The following PATJ variants were observed in gnomAD, a reference collection of about 807,000 sequenced individuals.
The protein encoded by PATJ is PATJ crumbs cell polarity complex component, also known as inaD-like protein.
A neutral mutation model predicts 224.9 loss-of-function variants in PATJ; 190 were observed. The ratio of observed to expected loss-of-function variants is 0.84; its 90% CI spans 0.75 to 0.95. PATJ has a LOEUF of 0.95. PATJ is among the 40% of genes least tolerant of loss of function. PATJ has a pLI of 0.00. For missense variants in PATJ, 2,121 were observed against 2,270.3 expected, an observed-to-expected ratio of 0.93 and a Z score of 1.34; for synonymous variants, 769 against 820.3, an observed-to-expected ratio of 0.94 and a Z score of 1.07.
Position 61,890,089 on chromosome 1 carries a change from CT to C in PATJ, c.3131+5684del, listed in dbSNP as rs537201108. Among the ~76,000 whole-genome samples, 618 of 152,322 alleles carry C rather than the reference CT, an allele frequency of 4.1e-3. 4 individuals carry two copies. Among genetic ancestry groups the C allele is most frequent in the African/African-American group, 0.015 (606 of 41,572 alleles). On this transcript the variant is annotated intron_variant, in intron 22 of 43. Transcript: ENST00000642238. ...GATGTATTATGAGTGATGTTCATAT[CT>C]TTCTTCTGCTGTTTATACCTGTATG...
intron 27 of PATJ, among the ~76,000 whole-genome samples, chr1:61,961,883 C>T (rs1400021648): frequency 6.7e-6 from 1 of 150,294 alleles, no homozygotes; most frequent in East Asian, 2.0e-4. Flanking sequence ...GCAGGAGAAT[C>T]ACTTGAACCT....
intron 34 of PATJ, among the ~76,000 whole-genome samples, chr1:62,108,885 C>A (rs901289482): frequency 2.0e-5 from 3 of 152,072 alleles, no homozygotes; most frequent in Non-Finnish European, 4.4e-5. Flanking sequence ...CACATATATA[C>A]CTGATATTTT....
At chr1:61,833,899 G>GA in intron 17 of PATJ, 114 bp downstream of exon 17, 2 of 855,984 alleles carry the variant, frequency 2.3e-6, no homozygotes, top group South Asian at 3.9e-5. Flanking sequence ...GAATCCCAAA[G>GA]ATGGGATATT....
At chr1:61,744,003 C>A (rs966651858) in intron 1 of PATJ, among the ~76,000 whole-genome samples, 1 of 152,104 alleles carries the variant, frequency 6.6e-6, no homozygotes, top group African/African-American at 2.4e-5. Flanking sequence ...GATGCCATTA[C>A]TGGGCAGGTG....
intron 28 of PATJ, among the ~76,000 whole-genome samples, chr1:62,012,212 T>C (rs1424957998): frequency 6.6e-6 from 1 of 152,198 alleles, no homozygotes; most frequent in East Asian, 1.9e-4. Context: ...TGTTAGAAAT[T>C]ATCTCATTTT....
At chr1:61,910,414 TC>T (rs1386929001) in intron 25 of PATJ, among the ~76,000 whole-genome samples, 1 of 152,264 alleles carries the variant, frequency 6.6e-6, no homozygotes, top group East Asian at 1.9e-4. Context: ...CATTGTACAT[TC>T]AGTTCATCAG....
At position 61,850,797 on chromosome 1, in the gene PATJ, G is replaced by A. The variant is rs914088707; in HGVS notation, c.2113-5233G>A. On this transcript the variant is annotated intron_variant, in intron 17 of 43. Transcript: ENST00000642238. ...TCCTCACCAGGAAAGTGGGGATAAT[G>A]TTGGTACATACCTACCTCATGATGG... is the stretch of plus-strand genomic sequence containing the variant. Among the ~76,000 whole-genome samples the A allele has an allele frequency of 2.6e-5, 4 of 152,210 alleles. No individual in the cohort carries two copies. In the South Asian group the frequency reaches 8.3e-4, roughly 32 times the overall value.
intron 1 of PATJ, among the ~76,000 whole-genome samples, chr1:61,752,605 G>T (rs1208546416): frequency 6.6e-6 from 1 of 151,864 alleles, no homozygotes; most frequent in Non-Finnish European, 1.5e-5. Flanking sequence ...GGATTACAGG[G>T]GTGAGCCACC....
intron 17 of PATJ, 39 bp from the exon 18 acceptor site, chr1:61,855,991 A>T (rs1391081945): frequency 6.8e-7 from 1 of 1,477,576 alleles, no homozygotes; most frequent in Non-Finnish European, 9.5e-7. Flanking sequence ...ATTTATTTTC[A>T]GTGCATGGAC....
At chr1:61,833,510 CT>C in intron 16 of PATJ, 143 bp from the exon 17 acceptor site, 1 of 731,646 alleles carries the variant, frequency 1.4e-6, no homozygotes. Flanking sequence ...GAGCATGCCC[CT>C]TTTACAAAGA....
At chr1:61,769,262 T>C (rs1379221514) in intron 4 of PATJ, 21 bp from the exon 5 acceptor site, 1 of 1,595,432 alleles carries the variant, frequency 6.3e-7, no homozygotes, top group East Asian at 2.2e-5. Flanking sequence ...TTGACTTTTT[T>C]TTTTAACGCT....
chr1:62,098,413 G>T (rs1011281055), intron 33 of PATJ, among the ~76,000 whole-genome samples: 5 of 151,516 alleles, frequency 3.3e-5, no homozygotes, highest in African/African-American at 1.2e-4. Context: ...TGGCCAACAT[G>T]GCGAAACCCC....
intron 22 of PATJ, among the ~76,000 whole-genome samples, chr1:61,898,450 T>C (rs955182500): frequency 1.3e-5 from 2 of 151,656 alleles, no homozygotes; most frequent in African/African-American, 4.8e-5. Context: ...GTTGTCCAGG[T>C]TGGTCTTGAC....
chr1:61,811,309 A>G (rs1172944695), intron 14 of PATJ, among the ~76,000 whole-genome samples: 1 of 151,714 alleles, frequency 6.6e-6, no homozygotes, highest in Admixed American at 6.6e-5. Flanking sequence ...GCTCACTGTA[A>G]CCTCCGCCTC....
At chr1:61,991,573 C>T (rs1056028049) in intron 28 of PATJ, 2 of 985,236 alleles carry the variant, frequency 2.0e-6, no homozygotes, top group African/African-American at 3.5e-5. Context: ...ACAGGAAGAC[C>T]ATCGCCATCA....
At chr1:61,953,843 G>T (rs2149395032) in intron 27 of PATJ, among the ~76,000 whole-genome samples, 1 of 152,204 alleles carries the variant, frequency 6.6e-6, no homozygotes, top group Admixed American at 6.5e-5. Flanking sequence ...GAGTATAACT[G>T]GCCATCCCTG....
chr1:62,071,671 G>C (rs936110061), intron 31 of PATJ, among the ~76,000 whole-genome samples: 6 of 151,874 alleles, frequency 4.0e-5, no homozygotes, highest in Non-Finnish European at 8.8e-5. Context: ...TAGTACAGAC[G>C]GGGTTTTGCC....
intron 31 of PATJ, among the ~76,000 whole-genome samples, chr1:62,052,867 C>T (rs1185087266): frequency 1.3e-5 from 2 of 152,132 alleles, no homozygotes; most frequent in Non-Finnish European, 2.9e-5. Flanking sequence ...AACCGAAAGC[C>T]CCTTTACTTA....
intron 33 of PATJ, among the ~76,000 whole-genome samples, chr1:62,088,450 AAAG>A (rs1660311323): frequency 6.6e-6 from 1 of 152,022 alleles, no homozygotes. Context: ...CACTCTTCCC[AAAG>A]AAGTCTTCCC....
Sources: allele counts gnomAD v4.1 joint callset (sites outside exome capture counted in the v4.1 genomes callset), GRCh38; gene constraint gnomAD v4.1.1; transcripts MANE v1.5; gene names NCBI Gene and HGNC (gene_info 2026-07-23, HGNC 2026-07-21).